TDO2: variants seen among roughly 807,000 people sequenced by gnomAD.
The protein encoded by TDO2 is tryptamin 2,3-dioxygenase.
A neutral mutation model predicts 61.2 loss-of-function variants in TDO2; 63 were observed. The observed-to-expected ratio is 1.03, with a 90% CI of 0.84 to 1.27. TDO2 has a LOEUF of 1.27. Among genes scored for constraint, TDO2 ranks in the 50% most tolerant of loss-of-function variants. The pLI, the probability that TDO2 is intolerant of heterozygous loss-of-function variation, is 0.00. For missense variants in TDO2, 494 were observed against 469.5 expected, an observed-to-expected ratio of 1.05 and a Z score of -0.48; for synonymous variants, 183 against 164.0, an observed-to-expected ratio of 1.12 and a Z score of -0.89.
intron 10 of TDO2, 45 bp downstream of exon 10, chr4:155,917,519 T>A: frequency 1.0e-5 from 15 of 1,503,862 alleles, no homozygotes; most frequent in Non-Finnish European, 1.3e-5. Context: ...CACATGCTGT[T>A]CCTGTGCTCT....
At chr4:155,908,108 T>C (rs961630763) in intron 4 of TDO2, among the ~76,000 whole-genome samples, 5 of 152,148 alleles carry the variant, frequency 3.3e-5, no homozygotes, top group African/African-American at 7.2e-5. Flanking sequence ...GGTACCAGAA[T>C]TGTATTTCTA....
At chr4:155,919,210 G>A (rs1217161913) in intron 11 of TDO2, among the ~76,000 whole-genome samples, 1 of 152,182 alleles carries the variant, frequency 6.6e-6, no homozygotes, top group Non-Finnish European at 1.5e-5. Flanking sequence ...GGGCATTGAA[G>A]TTTAAACAAC....
At chr4:155,919,201 G>A (rs1333981327) in intron 11 of TDO2, among the ~76,000 whole-genome samples, 4 of 152,082 alleles carry the variant, frequency 2.6e-5, no homozygotes, top group South Asian at 2.1e-4. Context: ...TAGAAACTGG[G>A]GCATTGAAGT....
At chr4:155,910,889 G>A (rs1470622790) in intron 6 of TDO2, among the ~76,000 whole-genome samples, 1 of 151,762 alleles carries the variant, frequency 6.6e-6, no homozygotes, top group Non-Finnish European at 1.5e-5. Context: ...ATAAGAATAG[G>A]GAGAAAAAGA....
In TDO2 at chr4:155,906,018, A is replaced by T. The variant is rs369463504; in HGVS notation, c.232+861A>T. 2 of 152,198 alleles carry T rather than the reference A, an allele frequency of 1.3e-5. 1 individual carries two copies. The highest frequency in any genetic ancestry group is 3.8e-4 in the East Asian group (2 of 5,200). 9.4% of individuals were successfully genotyped at this position (152,198 alleles called of 1,614,324 possible). ...ACCGAGGCAATATCAATAGGAGAAG[A>T]ATCATGGTATGGTAGCATAAATTAG... On this transcript the variant is annotated intron_variant, in intron 3 of 11. Coordinates refer to ENST00000536354, the MANE Select transcript of TDO2 (RefSeq NM_005651.4).
At chr4:155,909,131 C>A in intron 5 of TDO2, 117 bp downstream of exon 5, 1 of 1,038,278 alleles carries the variant, frequency 9.6e-7, no homozygotes, top group Non-Finnish European at 1.3e-6. Context: ...AACATTTTGT[C>A]ACTATATGGA....
chr4:155,911,026 T>C (rs1742818194), intron 6 of TDO2, among the ~76,000 whole-genome samples: 1 of 152,106 alleles, frequency 6.6e-6, no homozygotes, highest in Non-Finnish European at 1.5e-5. Context: ...CATGGATGGT[T>C]AATTTCAAAG....
Position 155,919,926 on chromosome 4 carries a change from A to G in TDO2, c.1157A>G (p.His386Arg). ...ATACCGAAGATGAACCCAACCATTC[A>G]CAAATTTCTATATACAGCAGAATAC... is the stretch of plus-strand genomic sequence containing the variant. ...HWIPKMNPTI[H>R]KFLYTAEYCD... Residue 386 changes from histidine to arginine, a missense_variant, in exon 12 of 12, where the codon CAC becomes CGC. By Grantham distance (29) the His-to-Arg change is conservative (BLOSUM62 0). Transcript: ENST00000536354. The G allele has an allele frequency of 6.2e-7, 1 of 1,613,772 alleles. No individual in the cohort carries two copies. Among genetic ancestry groups the G allele is most frequent in the Non-Finnish European group, 8.5e-7 (1 of 1,179,798 alleles).
chr4:155,904,879 G>T lies in TDO2; in HGVS notation c.142-188G>T, dbSNP rs527462317. ...CTACCAAATAGAAATTTTCTGAGAA[G>T]AATAAAAATCACAAATTCAATTCAC... is the stretch of plus-strand genomic sequence containing the variant. On this transcript the variant is annotated intron_variant, in intron 2 of 11. Coordinates refer to ENST00000536354, the MANE Select transcript of TDO2 (RefSeq NM_005651.4). 3.3e-5 allele frequency among the ~76,000 whole-genome samples: 5 copies of T among 152,158 alleles called. No individual in the cohort carries two copies. In the South Asian group the frequency reaches 8.3e-4, roughly 25 times the overall value.
chr4:155,913,832 T>C (rs1290161891), intron 7 of TDO2, among the ~76,000 whole-genome samples: 1 of 149,578 alleles, frequency 6.7e-6, no homozygotes, highest in Non-Finnish European at 1.5e-5. Flanking sequence ...AACCAATCAA[T>C]AGATAGATAG....
chr4:155,905,142 A>G lies in TDO2; in HGVS notation c.217A>G (p.Ile73Val). The G allele has an allele frequency of 3.1e-6, 5 of 1,591,688 alleles. No individual in the cohort carries two copies. In the African/African-American group the frequency reaches 5.4e-5, roughly 17 times the overall value. ...GNKIHDEHLFIITHQAYELWF... is the reference protein window; with the variant it reads ...GNKIHDEHLFVITHQAYELWF... ...TAAAATCCATGATGAACATCTTTTT[A>G]TCATAACTCATCAAGGTAAGTTGCA... The change falls in exon 3 of 12, where the codon ATC (isoleucine) becomes GTC (valine). Residue 73 changes from isoleucine (I) to valine (V), a missense_variant. Physicochemically the swap from Ile to Val is conservative, Grantham distance 29. Coordinates refer to ENST00000536354, the MANE Select transcript of TDO2 (RefSeq NM_005651.4).
At chr4:155,917,102 T>C (rs1742954861) in intron 9 of TDO2, among the ~76,000 whole-genome samples, 1 of 152,250 alleles carries the variant, frequency 6.6e-6, no homozygotes, top group African/African-American at 2.4e-5. Context: ...TCTGTAATAG[T>C]GCACCTGTCT....
At position 155,917,823 on chromosome 4, in the gene TDO2, GT is replaced by G. The variant is rs901289919; in HGVS notation, c.977-319del. Among the ~76,000 whole-genome samples the G allele has an allele frequency of 9.1e-4, 138 of 152,126 alleles. No homozygotes were observed. The Middle Eastern group carries it at 0.014, about 15-fold the overall frequency. The stretch of plus-strand genomic sequence containing the variant: ...CAGTTTTAAATTTTTAATTTTAATA[GT>G]TTTTTTATTTTTTTAAATGAAGGAC... On this transcript the variant is annotated intron_variant, in intron 10 of 11. Transcript: ENST00000536354.
At position 155,915,925 on chromosome 4, in the gene TDO2, C is replaced by A. The variant is rs781214443; in HGVS notation, c.896+13C>A. 1 of 1,599,942 alleles carries A rather than the reference C, an allele frequency of 6.3e-7. No homozygotes were observed. Among genetic ancestry groups the A allele is most frequent in the East Asian group, 2.3e-5 (1 of 43,992 alleles). On this transcript the variant is annotated intron_variant, in intron 9 of 11. Transcript: ENST00000536354. The stretch of plus-strand genomic sequence containing the variant: ...TATATTTTTACAGGTAAAGCAAATC[C>A]GAAGAGAGACTGAAGTTAAAATTGA...
Position 155,903,700 on chromosome 4 carries a change from C to T in TDO2, c.-59C>T. Reference sequence around the variant, plus strand: ...GCAGCTGTAGAACATCTGGGAAGGTCAATGATAGCATCTGCCTAGAGTCAA... The same window carrying T: ...GCAGCTGTAGAACATCTGGGAAGGTTAATGATAGCATCTGCCTAGAGTCAA... On this transcript the variant is annotated 5_prime_UTR_variant, in exon 1 of 12. Transcript: ENST00000536354. 6.2e-7 allele frequency: 1 copy of T among 1,600,402 alleles called. No homozygotes were observed. Among genetic ancestry groups the T allele is most frequent in the Non-Finnish European group, 8.6e-7 (1 of 1,167,688 alleles).
intron 2 of TDO2, 64 bp from the exon 3 acceptor site, chr4:155,905,003 T>A: frequency 8.8e-7 from 1 of 1,131,540 alleles, no homozygotes; most frequent in Non-Finnish European, 1.3e-6. Context: ...ATTCTACTTC[T>A]TACTAAAGTT....
intron 4 of TDO2, among the ~76,000 whole-genome samples, chr4:155,908,201 G>A (rs1015852044): frequency 4.6e-5 from 7 of 152,114 alleles, no homozygotes; most frequent in African/African-American, 1.4e-4. Flanking sequence ...AAAGAGTGGT[G>A]GGAGGAAGAA....
chr4:155,917,819 A>T (rs996785961), intron 10 of TDO2, among the ~76,000 whole-genome samples: 4 of 152,166 alleles, frequency 2.6e-5, no homozygotes, highest in Non-Finnish European at 5.9e-5. Flanking sequence ...TTTTAATTTT[A>T]ATAGTTTTTT....
rs777028860 is a variant in TDO2 at position 155,919,880 on chromosome 4, T to A, written c.1111T>A (p.Tyr371Asn). The part of the protein sequence containing the change: ...VFVDLFNLST[Y>N]LIPRHWIPKM... ...TGTAGATTTATTTAATCTTTCAACATACCTGATTCCCCGACACTGGATACC... is the reference window on the plus strand; with the variant it reads ...TGTAGATTTATTTAATCTTTCAACAAACCTGATTCCCCGACACTGGATACC... The change falls in exon 12 of 12, where the codon TAC (tyrosine) becomes AAC (asparagine). Residue 371 changes from tyrosine (Y) to asparagine (N), a missense_variant. Transcript: ENST00000536354. 11 of 1,613,626 alleles carry A rather than the reference T, an allele frequency of 6.8e-6. No homozygotes were observed. The highest frequency in any genetic ancestry group is 9.3e-6 in the Non-Finnish European group (11 of 1,179,772).
Sources: gnomAD v4.1 joint callset for allele counts (sites outside exome capture counted in the v4.1 genomes callset) on GRCh38, gnomAD v4.1.1 for gene constraint, MANE v1.5 for transcripts, NCBI Gene and HGNC (gene_info 2026-07-23, HGNC 2026-07-21) for gene names.